The following ZMYND8 variants were observed in gnomAD, a reference collection of about 807,000 sequenced individuals.
ZMYND8 encodes zinc finger MYND-type containing 8, also known as MYND-type zinc finger-containing chromatin reader ZMYND8.
A neutral mutation model predicts 140.8 loss-of-function variants in ZMYND8; 37 were observed. That is an observed-to-expected ratio of 0.26 (90% CI 0.20 to 0.35). The LOEUF (loss-of-function observed/expected upper bound fraction) is 0.35, where lower values mean the gene tolerates loss of function less well. Among genes scored for constraint, ZMYND8 ranks in the 10% least tolerant of loss-of-function variants. The probability of loss-of-function intolerance (pLI) is 1.00; values close to 1 mark genes in which losing one functional copy is unlikely to be tolerated. For synonymous variants in ZMYND8, 592 were observed against 597.1 expected, an observed-to-expected ratio of 0.99 and a Z score of 0.12; for missense variants, 1,068 against 1,570.0, an observed-to-expected ratio of 0.68 and a Z score of 5.40.
rs61734622 is a variant in ZMYND8, at chr20:47,262,407, G to C, written c.1502C>G (p.Thr501Arg). ...KSTASPASTK[T>R]GQAGSLSGSP... ...GCCGGATAAACTCCCTGCTTGTCCCGTCTTGGTGGAGGCTGGTGAAGCTGA... is the reference window on the plus strand; with the variant it reads ...GCCGGATAAACTCCCTGCTTGTCCCCTCTTGGTGGAGGCTGGTGAAGCTGA... The change falls in exon 12 of 23, where the codon ACG (threonine) becomes AGG (arginine). Residue 501 changes from threonine to arginine, a missense_variant. Coordinates refer to ENST00000471951, the MANE Select transcript of ZMYND8 (RefSeq NM_001281775.3). 1 of 1,614,070 alleles carries C rather than the reference G, an allele frequency of 6.2e-7. No homozygotes were observed. The highest frequency in any genetic ancestry group is 8.5e-7 in the Non-Finnish European group (1 of 1,180,012).
intron 3 of ZMYND8, among the ~76,000 whole-genome samples, chr20:47,309,426 C>T (rs1009396485): frequency 9.9e-5 from 15 of 152,206 alleles, no homozygotes; most frequent in African/African-American, 3.6e-4. Context: ...CTGCCTCGGC[C>T]TCCCGAGTAG....
At chr20:47,352,278 G>C in intron 1 of ZMYND8, among the ~76,000 whole-genome samples, 1 of 152,176 alleles carries the variant, frequency 6.6e-6, no homozygotes, top group East Asian at 1.9e-4. Context: ...GCAGGCATCT[G>C]AAAAGCCAAG....
intron 4 of ZMYND8, among the ~76,000 whole-genome samples, chr20:47,296,571 C>G (rs2077647498): frequency 6.6e-6 from 1 of 152,160 alleles, no homozygotes; most frequent in African/African-American, 2.4e-5. Context: ...TCTGAATAAA[C>G]TCTGGCCTGG....
Position 47,340,692 on chromosome 20 carries a change from C to G in ZMYND8, c.85+7164G>C, listed in dbSNP as rs939671768. On this transcript the variant is annotated intron_variant, in intron 2 of 22. Transcript: ENST00000471951. ...GCCCCAGCTACTCAGGAGGCTGAGG[C>G]AGGAGAATCACTTGAACCCGGGAAA... 9.2e-5 allele frequency among the ~76,000 whole-genome samples: 14 copies of G among 151,988 alleles called. No homozygotes were observed. In the Middle Eastern group the frequency reaches 0.014, roughly 149 times the overall value.
chr20:47,354,362 T>C (rs1403666187), intron 1 of ZMYND8: 1 of 152,214 alleles, frequency 6.6e-6, no homozygotes, highest in Non-Finnish European at 1.5e-5. Context: ...AGGAGTCTTA[T>C]GATTAGATAT....
chr20:47,219,294 G>A (rs1293260516), intron 21 of ZMYND8, among the ~76,000 whole-genome samples: 6 of 151,678 alleles, frequency 4.0e-5, no homozygotes, highest in Non-Finnish European at 7.4e-5. Flanking sequence ...CTGACCTTGT[G>A]ATCCGCCCAC....
chr20:47,250,612 G>A (rs1269368869), intron 12 of ZMYND8, among the ~76,000 whole-genome samples: 9 of 152,296 alleles, frequency 5.9e-5, no homozygotes, highest in Non-Finnish European at 1.0e-4. Context: ...AGAGGCCCCA[G>A]AATCTAGTCT....
intron 2 of ZMYND8, among the ~76,000 whole-genome samples, chr20:47,344,127 G>C (rs529463310): frequency 6.6e-6 from 1 of 151,902 alleles, no homozygotes; most frequent in South Asian, 2.1e-4. Context: ...AGAGGTGCCT[G>C]CCACCACACC....
chr20:47,250,450 G>C (rs151108276), intron 12 of ZMYND8, among the ~76,000 whole-genome samples: 67 of 152,316 alleles, frequency 4.4e-4, no homozygotes, highest in African/African-American at 1.4e-3. Context: ...CAAAAAATAA[G>C]TCAGAAAGCA....
rs2036917460 is a variant in ZMYND8 at position 47,221,398 on chromosome 20, C to CCCA, written c.3332_3333insTGG (p.Ser1111_Ser1112insGly). ...TTTCTGAAGGTGCTGATTGTGTGCT[C>CCCA]GAGGAGCTCCCCTGGGAGGACTTAT... On this transcript the variant is annotated inframe_insertion, in exon 20 of 23. Transcript: ENST00000471951. 3.1e-6 allele frequency: 5 copies of CCCA among 1,614,168 alleles called. No individual in the cohort carries two copies. The highest frequency in any genetic ancestry group is 4.2e-6 in the Non-Finnish European group (5 of 1,180,032).
chr20:47,271,112 C>T (rs2075917173), intron 11 of ZMYND8, among the ~76,000 whole-genome samples: 1 of 152,028 alleles, frequency 6.6e-6, no homozygotes, highest in African/African-American at 2.4e-5. Flanking sequence ...CCAGAAATCT[C>T]TCAATACAGA....
At chr20:47,292,492 TAA>T (rs756168979) in intron 5 of ZMYND8, among the ~76,000 whole-genome samples, 93 of 152,326 alleles carry the variant, frequency 6.1e-4, no homozygotes, top group Non-Finnish European at 1.1e-3. Context: ...AGATTTTGTT[TAA>T]AAGAGTCCAA....
At chr20:47,301,019 G>C (rs1179050107) in intron 3 of ZMYND8, among the ~76,000 whole-genome samples, 2 of 151,664 alleles carry the variant, frequency 1.3e-5, no homozygotes, top group African/African-American at 2.4e-5. Flanking sequence ...CCAAATGCCT[G>C]GTATTTCCAC....
chr20:47,306,991 TG>T (rs1452853601), intron 3 of ZMYND8, among the ~76,000 whole-genome samples: 3 of 152,208 alleles, frequency 2.0e-5, no homozygotes, highest in African/African-American at 7.2e-5. Flanking sequence ...CAGCTCCAGC[TG>T]GTTGCTAGAT....
chr20:47,328,231 A>G (rs1475758789), intron 2 of ZMYND8, among the ~76,000 whole-genome samples: 1 of 152,190 alleles, frequency 6.6e-6, no homozygotes, highest in Non-Finnish European at 1.5e-5. Flanking sequence ...TAGGATGGCC[A>G]GGTCCTAGAA....
At chr20:47,289,130 T>C (rs1217132817) in intron 7 of ZMYND8, among the ~76,000 whole-genome samples, 4 of 152,136 alleles carry the variant, frequency 2.6e-5, no homozygotes, top group Admixed American at 6.5e-5. Context: ...AATAATCCTA[T>C]TTTTGCAATG....
At chr20:47,224,188 T>G in intron 19 of ZMYND8, 129 bp downstream of exon 19, 2 of 1,452,360 alleles carry the variant, frequency 1.4e-6, no homozygotes, top group South Asian at 2.7e-5. Context: ...ACAATTGTTT[T>G]TGAGTGAAAG....
chr20:47,226,370 C>T (rs1048962689), intron 18 of ZMYND8, among the ~76,000 whole-genome samples: 5 of 152,128 alleles, frequency 3.3e-5, no homozygotes, highest in East Asian at 3.9e-4. Context: ...TCTGATACTA[C>T]GTGAGGGGCT....
In ZMYND8 at chr20:47,298,649, T is replaced by C; in HGVS notation, c.453+80A>G. 6.5e-7 allele frequency: 1 copy of C among 1,539,494 alleles called. No individual in the cohort carries two copies. Among genetic ancestry groups the C allele is most frequent in the South Asian group, 1.2e-5 (1 of 82,462 alleles). The stretch of plus-strand genomic sequence containing the variant: ...TCTCTTTTCCATCTATCTGGATTAT[T>C]TGTAAATTTAAAAATAAAAGGAAGA... On this transcript the variant is annotated intron_variant, in intron 4 of 22. Transcript: ENST00000471951. The surrounding 1 kb of genome is among the most constrained non-coding windows in gnomAD (Gnocchi z 5.0).
Sources: gnomAD v4.1 joint callset for allele counts (sites outside exome capture counted in the v4.1 genomes callset) on GRCh38, gnomAD v4.1.1 for gene constraint, Gnocchi (gnomAD v3.1) non-coding constraint, MANE v1.5 for transcripts, NCBI Gene and HGNC (gene_info 2026-07-23, HGNC 2026-07-21) for gene names.